Variants in FANCB observed in about 807,000 individuals in gnomAD.
FANCB encodes the protein FA complementation group B.
A neutral mutation model predicts 38.9 loss-of-function variants in FANCB; 5 were observed. The observed-to-expected ratio is 0.13, with a 90% CI of 0.07 to 0.27. The LOEUF is 0.27. Ranked by LOEUF, FANCB falls within the 10% of genes least tolerant of loss-of-function variation. FANCB has a pLI of 1.00. For synonymous variants in FANCB, 236 were observed against 215.4 expected (o/e 1.10, Z -0.84); for missense variants, 573 against 602.7 (o/e 0.95, Z 0.52).
At chrX:14,855,335 G>A (rs778529883) in intron 5 of FANCB, among the ~76,000 whole-genome samples, 2 of 112,105 alleles carry the variant, frequency 1.8e-5, no homozygotes, top group South Asian at 7.3e-4. Context: ...AGGTAGGCTT[G>A]TTCATCTCTA....
intron 7 of FANCB, 117 bp from the exon 8 acceptor site, chrX:14,845,403 C>T (rs2092372284): frequency 3.4e-6 from 2 of 583,904 alleles, no homozygotes; most frequent in Admixed American, 6.4e-5. Flanking sequence ...TCCTAGAAAA[C>T]ATCATTTCAA....
In FANCB at chrX:14,844,651, T is replaced by C; in HGVS notation, c.2017A>G (p.Lys673Glu). The C allele has an allele frequency of 8.3e-7, 1 of 1,209,583 alleles. No individual in the cohort carries two copies. The highest frequency in any genetic ancestry group is 1.1e-6 in the Non-Finnish European group (1 of 893,463). Reference sequence around the variant, plus strand: ...TTCATATGTTCTAAGAGCCACACCTTCATTGAATTCAGGGCATAGCCGGGT... The same window carrying C: ...TTCATATGTTCTAAGAGCCACACCTCCATTGAATTCAGGGCATAGCCGGGT... Reference protein sequence around the residue: ...TSPGYALNSMKVWLLEHMKCE... With the variant: ...TSPGYALNSMEVWLLEHMKCE... Residue 673 changes from lysine to glutamate, a missense_variant, in exon 9 of 10, where the codon AAG becomes GAG. Transcript: ENST00000650831.
chrX:14,774,871 C>T, the FANCB span, among the ~76,000 whole-genome samples: 1 of 111,122 alleles, frequency 9.0e-6, no homozygotes, highest in East Asian at 2.8e-4. Context: ...CTTGCTCTGT[C>T]GCCCAGGCTA....
At chrX:14,826,301 T>G in the FANCB span, among the ~76,000 whole-genome samples, 3 of 111,862 alleles carry the variant, frequency 2.7e-5, no homozygotes, top group South Asian at 1.1e-3. Flanking sequence ...AGAAGCCCTT[T>G]CCTTGGACTA....
downstream of FANCB, chrX:14,843,375 G>A (rs1484851071): frequency 5.0e-6 from 2 of 399,693 alleles, no homozygotes; most frequent in African/African-American, 5.1e-5. Flanking sequence ...GCCCCTTGGG[G>A]TAGAGGAGAG....
downstream of FANCB, among the ~76,000 whole-genome samples, chrX:14,831,831 G>T (rs1352559444): frequency 9.0e-6 from 1 of 111,669 alleles, no homozygotes; most frequent in African/African-American, 3.3e-5. Context: ...GTAAAAACAA[G>T]GAGACAAGTT....
chrX:14,817,131 C>T, the FANCB span, among the ~76,000 whole-genome samples: 1 of 111,042 alleles, frequency 9.0e-6, no homozygotes, highest in African/African-American at 3.3e-5. Context: ...TTATTATTAG[C>T]CCTCTATTAT....
At chrX:14,851,252 T>G (rs1038413994) in intron 6 of FANCB, among the ~76,000 whole-genome samples, 5 of 112,195 alleles carry the variant, frequency 4.5e-5, no homozygotes, top group African/African-American at 1.6e-4. Flanking sequence ...TGCCAGGCAC[T>G]GTTCCAAATG....
At position 14,853,077 on chromosome X, in the gene FANCB, C is replaced by T. The variant is rs1018343095; in HGVS notation, c.1288G>A (p.Val430Ile). ...SKSYKALINL[V>I]QGKDDNTSSA... ...GACGTATTATCATCTTTTCCTTGAACTAGGTTTATTAAAGCTTTGTAAGAT... is the reference window on the plus strand; with the variant it reads ...GACGTATTATCATCTTTTCCTTGAATTAGGTTTATTAAAGCTTTGTAAGAT... Residue 430 changes from valine (V) to isoleucine (I), a missense_variant, in exon 6 of 10, where the codon GTT becomes ATT. By Grantham distance (29) the Val-to-Ile change is conservative. Transcript: ENST00000650831. The T allele has an allele frequency of 7.5e-6, 9 of 1,200,884 alleles. No homozygotes were observed. In the East Asian group the frequency reaches 2.7e-4, roughly 36 times the overall value.
At chrX:14,746,243 TG>T in the FANCB span, among the ~76,000 whole-genome samples, 2 of 111,982 alleles carry the variant, frequency 1.8e-5, no homozygotes, top group African/African-American at 6.5e-5. Flanking sequence ...CATTCTAGAA[TG>T]AGAATGAGAA....
At chrX:14,771,746 G>C in the FANCB span, among the ~76,000 whole-genome samples, 1 of 112,027 alleles carries the variant, frequency 8.9e-6, no homozygotes, top group Non-Finnish European at 1.9e-5. Context: ...GTGTTTTTAT[G>C]TTGATTCTTT....
chrX:14,730,752 A>G, the FANCB span: 1 of 324,815 alleles, frequency 3.1e-6, no homozygotes, highest in Admixed American at 4.8e-5. Flanking sequence ...TCAGTCAGAC[A>G]TGATATGCGC....
intron 1 of FANCB, among the ~76,000 whole-genome samples, chrX:14,870,224 T>C (rs1339835492): frequency 9.0e-6 from 1 of 111,724 alleles, no homozygotes; most frequent in Non-Finnish European, 1.9e-5. Flanking sequence ...ATGAAATAAC[T>C]GGCATTTAAA....
chrX:14,845,404 A>G, intron 7 of FANCB, 118 bp from the exon 8 acceptor site: 1 of 571,945 alleles, frequency 1.7e-6, no homozygotes, highest in Non-Finnish European at 2.9e-6. Context: ...CCTAGAAAAC[A>G]TCATTTCAAA....
the FANCB span, among the ~76,000 whole-genome samples, chrX:14,799,820 T>C: frequency 1.8e-5 from 2 of 112,362 alleles, no homozygotes; most frequent in Admixed American, 9.4e-5. Flanking sequence ...ATCTTTATTA[T>C]AAAGTGGCAG....
chrX:14,796,073 A>G, the FANCB span, among the ~76,000 whole-genome samples: 1 of 111,690 alleles, frequency 9.0e-6, no homozygotes, highest in South Asian at 3.7e-4. Context: ...GCTTGGCTAC[A>G]TGTTGGAATC....
At chrX:14,758,485 C>T in the FANCB span, among the ~76,000 whole-genome samples, 1 of 112,096 alleles carries the variant, frequency 8.9e-6, no homozygotes, top group Admixed American at 9.4e-5. Flanking sequence ...CCCCTGCCAC[C>T]TCCACCAGAG....
At chrX:14,810,283 T>C in the FANCB span, among the ~76,000 whole-genome samples, 5 of 112,327 alleles carry the variant, frequency 4.5e-5, no homozygotes, top group African/African-American at 1.6e-4. Context: ...AGGAACGCAG[T>C]TCCTCACCAG....
At chrX:14,785,060 G>A in the FANCB span, among the ~76,000 whole-genome samples, 10 of 111,942 alleles carry the variant, frequency 8.9e-5, no homozygotes, top group African/African-American at 3.3e-4. Flanking sequence ...AATAGCTCAT[G>A]CATGCTGGGT....
Sources: gnomAD v4.1 joint callset for allele counts (sites outside exome capture counted in the v4.1 genomes callset) on GRCh38, gnomAD v4.1.1 for gene constraint, MANE v1.5 for transcripts, NCBI Gene and HGNC (gene_info 2026-07-23, HGNC 2026-07-21) for gene names.